The following BARX2 variants were observed in gnomAD, a reference collection of about 807,000 sequenced individuals.
BARX2 encodes homeobox protein BarH-like 2.
In BARX2, 11 loss-of-function variants were observed where a neutral mutation model predicts 25.5. The ratio of observed to expected loss-of-function variants is 0.43; its 90% CI spans 0.27 to 0.71. BARX2 has a LOEUF of 0.71. Ranked by LOEUF, BARX2 falls within the 30% of genes least tolerant of loss-of-function variation. The pLI is 0.19. For missense variants in BARX2, 360 were observed against 359.9 expected (o/e 1.00, Z 0.00); for synonymous variants, 137 against 149.5 (o/e 0.92, Z 0.61).
At chr11:129,420,204 T>C (rs1269994335) in intron 1 of BARX2, among the ~76,000 whole-genome samples, 1 of 151,988 alleles carries the variant, frequency 6.6e-6, no homozygotes, top group East Asian at 1.9e-4. Flanking sequence ...TTAGCCAAAT[T>C]TGGGGAAATT....
intron 1 of BARX2, among the ~76,000 whole-genome samples, chr11:129,415,838 A>G (rs1257412026): frequency 1.3e-5 from 2 of 152,214 alleles, no homozygotes; most frequent in African/African-American, 4.8e-5. Context: ...ATCATAGATG[A>G]TCCTAAGTGT....
At chr11:129,413,312 A>G (rs1861908896) in intron 1 of BARX2, among the ~76,000 whole-genome samples, 1 of 152,208 alleles carries the variant, frequency 6.6e-6, no homozygotes, top group African/African-American at 2.4e-5. Context: ...GTGAAGCCAA[A>G]CTCAAAAGCA....
At chr11:129,431,059 G>A (rs746741803) in intron 1 of BARX2, among the ~76,000 whole-genome samples, 10 of 151,976 alleles carry the variant, frequency 6.6e-5, no homozygotes, top group South Asian at 2.1e-4. Flanking sequence ...ACAGGGTTTC[G>A]CCATGTTGGC....
intron 1 of BARX2, among the ~76,000 whole-genome samples, chr11:129,389,495 T>C (rs1861646190): frequency 6.6e-6 from 1 of 152,192 alleles, no homozygotes. Flanking sequence ...ATTTTATAAA[T>C]TCATAAATGA....
intron 1 of BARX2, among the ~76,000 whole-genome samples, chr11:129,394,179 T>C (rs559272995): frequency 3.3e-5 from 5 of 152,224 alleles, no homozygotes; most frequent in Non-Finnish European, 7.3e-5. Flanking sequence ...TTTTTTCTCA[T>C]AGCATTGCAT....
intron 1 of BARX2, among the ~76,000 whole-genome samples, chr11:129,433,338 C>T (rs756384587): frequency 6.6e-6 from 1 of 152,196 alleles, no homozygotes; most frequent in Non-Finnish European, 1.5e-5. Flanking sequence ...GGTCTACTGG[C>T]CTCCTCACTG....
At chr11:129,385,538 A>G (rs992695486) in intron 1 of BARX2, among the ~76,000 whole-genome samples, 1 of 152,220 alleles carries the variant, frequency 6.6e-6, no homozygotes, top group African/African-American at 2.4e-5. Flanking sequence ...AAAAAGTTGT[A>G]GATTGATACT....
intron 1 of BARX2, among the ~76,000 whole-genome samples, chr11:129,418,810 T>G (rs543025368): frequency 6.6e-6 from 1 of 152,330 alleles, no homozygotes; most frequent in South Asian, 2.1e-4. Flanking sequence ...TATGTTGGAA[T>G]GCACATCAAC....
chr11:129,402,347 A>G (rs1299544596), intron 1 of BARX2, among the ~76,000 whole-genome samples: 4 of 152,104 alleles, frequency 2.6e-5, no homozygotes, highest in African/African-American at 9.7e-5. Context: ...CATACTCACT[A>G]CACAGGATTG....
intron 1 of BARX2, among the ~76,000 whole-genome samples, chr11:129,405,515 A>G (rs1429290910): frequency 6.6e-6 from 1 of 152,006 alleles, no homozygotes. Flanking sequence ...TTCTTCATTG[A>G]TACTTTTAGT....
Position 129,436,690 on chromosome 11 carries a change from G to T in BARX2, c.188-61G>T, listed in dbSNP as rs765885620. ...GACCTCAGCCAGCGGCCCTCCGCAG[G>T]TCCTGGCCTGCTTCCCCACACCGTT... On this transcript the variant is annotated intron_variant, in intron 1 of 3. Transcript: ENST00000281437. This position sits in a 1 kb window ranked among gnomAD's most constrained non-coding sequence, Gnocchi z 4.5. The T allele has an allele frequency of 1.3e-6, 2 of 1,512,352 alleles. No homozygotes were observed. The highest frequency in any genetic ancestry group is 1.4e-5 in the African/African-American group (1 of 71,886). 93.7% of individuals were successfully genotyped at this position (1,512,352 alleles called of 1,614,324 possible). A position where few individuals can be genotyped will look rare whatever the true frequency, so the allele number is the denominator to read the frequency against.
Position 129,413,241 on chromosome 11 carries a change from GA to G in BARX2, c.188-23505del, listed in dbSNP as rs146944966. Among the ~76,000 whole-genome samples, 1,379 of 152,278 alleles carry G rather than the reference GA, an allele frequency of 9.1e-3. 62 individuals carry two copies. The East Asian group carries it at 0.13, about 14-fold the overall frequency. On this transcript the variant is annotated intron_variant, in intron 1 of 3. Coordinates refer to ENST00000281437, the MANE Select transcript of BARX2 (RefSeq NM_003658.5). ...TATTATTATCTCTTTTCAACAGGTA[GA>G]AAAACCAAGGCTTATCAAACTTAAA...
intron 3 of BARX2, 38 bp downstream of exon 3, chr11:129,442,957 G>T: frequency 6.4e-7 from 1 of 1,559,314 alleles, no homozygotes; most frequent in South Asian, 1.1e-5. Context: ...CCTTCCTGAT[G>T]GGAAGGACTT....
At chr11:129,380,395 G>A (rs949210543) in intron 1 of BARX2, among the ~76,000 whole-genome samples, 1 of 152,132 alleles carries the variant, frequency 6.6e-6, no homozygotes. Flanking sequence ...TGCGGTGCAG[G>A]TATGTATAGT....
intron 1 of BARX2, among the ~76,000 whole-genome samples, chr11:129,435,775 T>C (rs2135411222): frequency 6.6e-6 from 1 of 152,346 alleles, no homozygotes; most frequent in African/African-American, 2.4e-5. Flanking sequence ...TTAAGCTCTG[T>C]GTTGAATAAT....
intron 1 of BARX2, among the ~76,000 whole-genome samples, chr11:129,416,115 C>T (rs1265730278): frequency 6.6e-6 from 1 of 152,200 alleles, no homozygotes; most frequent in East Asian, 1.9e-4. Flanking sequence ...AAGGTAAGGC[C>T]TTCGAACTTG....
At chr11:129,381,251 T>G (rs1262840830) in intron 1 of BARX2, among the ~76,000 whole-genome samples, 1 of 152,242 alleles carries the variant, frequency 6.6e-6, no homozygotes, top group African/African-American at 2.4e-5. Context: ...TATTTATATT[T>G]GCTTGGTGAT....
chr11:129,446,521 G>A (rs187139353), intron 3 of BARX2, among the ~76,000 whole-genome samples: 49 of 152,206 alleles, frequency 3.2e-4, no homozygotes, highest in African/African-American at 1.2e-3. Context: ...CTGCCATATA[G>A]GATACAGCCA....
At chr11:129,420,665 T>C (rs1320527199) in intron 1 of BARX2, among the ~76,000 whole-genome samples, 2 of 152,242 alleles carry the variant, frequency 1.3e-5, no homozygotes, top group Non-Finnish European at 2.9e-5. Flanking sequence ...AAATAGTTTA[T>C]AGTTTATTAC....
Sources: gnomAD v4.1 joint callset for allele counts (sites outside exome capture counted in the v4.1 genomes callset) on GRCh38, gnomAD v4.1.1 for gene constraint, Gnocchi (gnomAD v3.1) non-coding constraint, MANE v1.5 for transcripts, NCBI Gene and HGNC (gene_info 2026-07-23, HGNC 2026-07-21) for gene names.